The following CFAP43 variants were observed in gnomAD, a reference collection of about 807,000 sequenced individuals.
CFAP43 encodes the protein cilia and flagella associated protein 43, also known as cilia- and flagella-associated protein 43.
In CFAP43, 155 loss-of-function variants were observed where a neutral mutation model predicts 218.9. The ratio of observed to expected loss-of-function variants is 0.71; its 90% CI spans 0.62 to 0.81. The LOEUF is 0.81. Ranked by LOEUF, CFAP43 falls within the 30% of genes least tolerant of loss-of-function variation. The pLI, the probability that CFAP43 is intolerant of heterozygous loss-of-function variation, is 0.00. For synonymous variants in CFAP43, 645 were observed against 681.3 expected, an observed-to-expected ratio of 0.95 and a Z score of 0.83; for missense variants, 1,778 against 1,954.3, an observed-to-expected ratio of 0.91 and a Z score of 1.70.
At position 104,192,297 on chromosome 10, in the gene CFAP43, T is replaced by C. The variant is rs1439684197; in HGVS notation, c.1448A>G (p.Asp483Gly). ...SESSVQHVVY[D>G]QQGIFLLVGT... ...AACTAACAGAAATATTCCTTGCTGATCATAACTAGAAAAGAAGAAATCTGA... is the reference window on the plus strand; with the variant it reads ...AACTAACAGAAATATTCCTTGCTGACCATAACTAGAAAAGAAGAAATCTGA... The change falls in exon 12 of 38, where the codon GAT (aspartate) becomes GGT (glycine). Residue 483 changes from aspartate to glycine, a missense_variant. Transcript: ENST00000357060. 2.2e-5 allele frequency: 36 copies of C among 1,610,306 alleles called. No individual in the cohort carries two copies. Among genetic ancestry groups the C allele is most frequent in the Non-Finnish European group, 2.9e-5 (34 of 1,177,822 alleles).
In CFAP43 at chr10:104,203,981, C is replaced by G. The variant is rs574498469; in HGVS notation, c.964-178G>C. Among the ~76,000 whole-genome samples the G allele has an allele frequency of 4.6e-5, 7 of 152,272 alleles. No individual in the cohort carries two copies. In the East Asian group the frequency reaches 1.4e-3, roughly 29 times the overall value. The stretch of plus-strand genomic sequence containing the variant: ...TTTAGACAACTTTTAACTATGTTCC[C>G]TGGTCAAGCTTCAGTCTGATCTCTT... On this transcript the variant is annotated intron_variant, in intron 7 of 37. Transcript: ENST00000357060.
At position 104,136,276 on chromosome 10, in the gene CFAP43, A is replaced by AAG. The variant is rs1554856622; in HGVS notation, c.4432-2493_4432-2492insCT. On this transcript the variant is annotated intron_variant, in intron 34 of 37. Transcript: ENST00000357060. ...TCCATTTCAAAAAAAAAAAAAAAAAAAAGAAGAAAAGAAAAGAAGAAAGAA... is the reference window on the plus strand; with the variant it reads ...TCCATTTCAAAAAAAAAAAAAAAAAAAGAAGAAGAAAAGAAAAGAAGAAAGAA... 1.9e-3 allele frequency among the ~76,000 whole-genome samples: 252 copies of AAG among 134,044 alleles called. 19 individuals are homozygous for AAG. Among genetic ancestry groups the AAG allele is most frequent in the African/African-American group, 6.1e-3 (205 of 33,400 alleles). The allele number at this position is 134,044 out of a possible 152,430, so 87.9% of individuals were successfully genotyped here.
rs2089088342 is a variant in CFAP43 at position 104,165,138 on chromosome 10, G to A, written c.3040-838C>T. ...GAACACACCATTCTCAGGTAGGAAAGAAACCTGTGCTAGCCAGCTGGAGTA... is the reference window on the plus strand; with the variant it reads ...GAACACACCATTCTCAGGTAGGAAAAAAACCTGTGCTAGCCAGCTGGAGTA... On this transcript the variant is annotated intron_variant, in intron 23 of 37. Coordinates refer to ENST00000357060, the MANE Select transcript of CFAP43 (RefSeq NM_025145.7). 2.6e-5 allele frequency among the ~76,000 whole-genome samples: 4 copies of A among 152,318 alleles called. No individual in the cohort carries two copies. The South Asian group carries it at 8.3e-4, about 32-fold the overall frequency.
At position 104,214,286 on chromosome 10, in the gene CFAP43, C is replaced by T. The variant is rs2090953407; in HGVS notation, c.557G>A (p.Ser186Asn). The T allele has an allele frequency of 5.0e-6, 8 of 1,598,412 alleles. No individual in the cohort carries two copies. The highest frequency in any genetic ancestry group is 6.8e-6 in the Non-Finnish European group (8 of 1,173,268). Residue 186 changes from serine to asparagine, a missense_variant, in exon 4 of 38, where the codon AGT (serine) becomes AAT (asparagine). By Grantham distance (46) the Ser-to-Asn change is conservative. Around this residue, in one of 3 missense-constraint regions of CFAP43, gnomAD observed 1,553 missense variants for 1,685.2 expected, o/e 0.92. Transcript: ENST00000357060. The part of the protein sequence containing the change: ...STVSVWTIER[S>N]NQEHCFRARS... ...TGCTCTGAAACAATGCTCCTGGTTA[C>T]TTCTTTCAATGGTCCACACGCTCAC...
chr10:104,180,009 T>G (rs1589717083), intron 17 of CFAP43, 77 bp from the exon 18 acceptor site: 1 of 1,064,942 alleles, frequency 9.4e-7, no homozygotes, highest in East Asian at 2.4e-5. Flanking sequence ...CCCTACCACA[T>G]GTAACTGCTT....
chr10:104,217,779 T>C (rs1286579391), intron 3 of CFAP43, among the ~76,000 whole-genome samples: 1 of 152,182 alleles, frequency 6.6e-6, no homozygotes, highest in African/African-American at 2.4e-5. Flanking sequence ...CACTTAAGTG[T>C]TCTGGGTAAA....
Position 104,212,034 on chromosome 10 carries a change from C to A in CFAP43, c.708G>T (p.Leu236=), listed in dbSNP as rs2090878351. ...PVLPLSAIAG[L]VGKEAETFRP... Reference sequence around the variant, plus strand: ...GGAAAGTCTCTGCCTCTTTGCCTACCAGCCCGGCAATGGCTGACAGTGGCA... The same window carrying A: ...GGAAAGTCTCTGCCTCTTTGCCTACAAGCCCGGCAATGGCTGACAGTGGCA... Residue 236 remains leucine, a synonymous_variant, in exon 5 of 38, where the codon CTG becomes CTT. Transcript: ENST00000357060. 1 of 1,613,308 alleles carries A rather than the reference C, an allele frequency of 6.2e-7. No individual in the cohort carries two copies. Among genetic ancestry groups the A allele is most frequent in the Non-Finnish European group, 8.5e-7 (1 of 1,179,536 alleles).
intron 8 of CFAP43, among the ~76,000 whole-genome samples, chr10:104,203,226 G>A (rs1398386261): frequency 6.6e-6 from 1 of 152,102 alleles, no homozygotes; most frequent in Non-Finnish European, 1.5e-5. Flanking sequence ...TTGACCCGGG[G>A]TAGACACGTG....
At chr10:104,151,919 A>C (rs2088278803) in intron 28 of CFAP43, among the ~76,000 whole-genome samples, 2 of 152,192 alleles carry the variant, frequency 1.3e-5, no homozygotes, top group Non-Finnish European at 2.9e-5. Context: ...AACTCAATGG[A>C]TAGTTTGGCT....
At chr10:104,130,774 G>C (rs1366664962) in intron 37 of CFAP43, among the ~76,000 whole-genome samples, 1 of 152,024 alleles carries the variant, frequency 6.6e-6, no homozygotes, top group Non-Finnish European at 1.5e-5. Flanking sequence ...GAGGTGGGCG[G>C]ATCTCTTGAG....
At chr10:104,143,756 T>C (rs1329652757) in intron 31 of CFAP43, 117 bp from the exon 32 acceptor site, 6 of 970,108 alleles carry the variant, frequency 6.2e-6, no homozygotes, top group African/African-American at 4.9e-5. Context: ...CTTTGCCATG[T>C]GATGGCTGGT....
At position 104,214,262 on chromosome 10, in the gene CFAP43, G is replaced by A. The variant is rs780891574; in HGVS notation, c.581C>T (p.Ala194Val). ...CTGTTGTAACAAAGGCTCCTACCTT[G>A]CTCTGAAACAATGCTCCTGGTTACT... Reference protein sequence around the residue: ...ERSNQEHCFRARSVKLPLEDG... With the variant: ...ERSNQEHCFRVRSVKLPLEDG... The change falls in exon 4 of 38, where the codon GCA becomes GTA. Residue 194 changes from alanine to valine, a missense_variant. Coordinates refer to ENST00000357060, the MANE Select transcript of CFAP43 (RefSeq NM_025145.7). The A allele has an allele frequency of 6.3e-7, 1 of 1,587,808 alleles. No individual in the cohort carries two copies. Among genetic ancestry groups the A allele is most frequent in the Non-Finnish European group, 8.6e-7 (1 of 1,167,882 alleles).
At chr10:104,216,124 T>TA (rs1201216210) in intron 3 of CFAP43, among the ~76,000 whole-genome samples, 1 of 152,118 alleles carries the variant, frequency 6.6e-6, no homozygotes, top group Non-Finnish European at 1.5e-5. Flanking sequence ...CAAGTTGTTC[T>TA]AAAGTCACCG....
At chr10:104,162,259 A>G in intron 25 of CFAP43, 58 bp downstream of exon 25, 1 of 1,512,266 alleles carries the variant, frequency 6.6e-7, no homozygotes, top group Non-Finnish European at 9.2e-7. Context: ...CCAAACTAGG[A>G]AGCAGTATCC....
Position 104,186,062 on chromosome 10 carries a change from G to A in CFAP43, c.1922C>T (p.Pro641Leu), listed in dbSNP as rs372275799. Residue 641 changes from proline (P) to leucine (L), a missense_variant, in exon 15 of 38, where the codon CCT becomes CTT. This residue lies in a region of CFAP43 where 1,553 missense variants were observed against 1,685.2 expected (regional missense o/e 0.92). Transcript: ENST00000357060. ...YKKVQSRQYGPGLLYLSSHGL... is the reference protein window; with the variant it reads ...YKKVQSRQYGLGLLYLSSHGL... The stretch of plus-strand genomic sequence containing the variant: ...ATGTGAAGACAGATAGAGCAGTCCA[G>A]GTCCATACTGTCTGCTTTGTACTTT... The A allele has an allele frequency of 7.3e-5, 117 of 1,594,902 alleles. No homozygotes were observed. The highest frequency in any genetic ancestry group is 9.6e-5 in the Non-Finnish European group (113 of 1,174,404).
chr10:104,133,556 G>A, intron 35 of CFAP43, 64 bp downstream of exon 35: 1 of 1,499,066 alleles, frequency 6.7e-7, no homozygotes, highest in Non-Finnish European at 9.0e-7. Flanking sequence ...TTAAATACTG[G>A]TTAAATGAAT....
intron 29 of CFAP43, 57 bp downstream of exon 29, chr10:104,147,834 A>G: frequency 1.6e-6 from 2 of 1,260,500 alleles, no homozygotes; most frequent in East Asian, 2.4e-5. Context: ...CTCTTGCTAA[A>G]TGAGGGGCAT....
Position 104,230,857 on chromosome 10 carries a change from T to TA in CFAP43, c.66-15dup. 6.3e-7 allele frequency: 1 copy of TA among 1,597,068 alleles called. No homozygotes were observed. On this transcript the variant is annotated splice_polypyrimidine_tract_variant and intron_variant, in intron 1 of 37. Coordinates refer to ENST00000357060, the MANE Select transcript of CFAP43 (RefSeq NM_025145.7). ...CCTTGCACCCATCTTTGGGAAAAGA[T>TA]ATGTCAACATCAATATAATACATTT...
At chr10:104,138,995 A>AAC (rs2134742317) in intron 34 of CFAP43, among the ~76,000 whole-genome samples, 1 of 152,334 alleles carries the variant, frequency 6.6e-6, no homozygotes, top group Non-Finnish European at 1.5e-5. Flanking sequence ...GAGGGATGGA[A>AAC]AGTATAAGTT....
Sources: allele counts gnomAD v4.1 joint callset (sites outside exome capture counted in the v4.1 genomes callset), GRCh38; gene constraint gnomAD v4.1.1; regional missense constraint gnomAD v4.1.1; transcripts MANE v1.5; gene names NCBI Gene and HGNC (gene_info 2026-07-23, HGNC 2026-07-21).